SPINT2: variants seen among roughly 807,000 people sequenced by gnomAD.
The protein encoded by SPINT2 is kunitz-type protease inhibitor 2.
A neutral mutation model predicts 30.1 loss-of-function variants in SPINT2; 18 were observed. The observed-to-expected ratio is 0.60, with a 90% CI of 0.41 to 0.89. The LOEUF (loss-of-function observed/expected upper bound fraction) is 0.89, where lower values mean the gene tolerates loss of function less well. Among genes scored for constraint, SPINT2 ranks in the 40% least tolerant of loss-of-function variants. The pLI, the probability that SPINT2 is intolerant of heterozygous loss-of-function variation, is 0.00. For synonymous variants in SPINT2, 139 were observed against 137.9 expected (o/e 1.01, Z -0.05); for missense variants, 276 against 334.3 (o/e 0.83, Z 1.36).
In SPINT2 at chr19:38,290,194, A is replaced by C; in HGVS notation, c.467A>C (p.Asn156Thr). 1 of 1,612,512 alleles carries C rather than the reference A, an allele frequency of 6.2e-7. No individual in the cohort carries two copies. Among genetic ancestry groups the C allele is most frequent in the East Asian group, 2.2e-5 (1 of 44,868 alleles). ...FPRWYFDVERNSCNNFIYGGC... is the reference protein window; with the variant it reads ...FPRWYFDVERTSCNNFIYGGC... The stretch of plus-strand genomic sequence containing the variant: ...CGCTGGTACTTTGACGTGGAGAGGA[A>C]CTCCTGCAATAACTTCATCTATGGA... The change falls in exon 5 of 7, where the codon AAC becomes ACC. Residue 156 changes from asparagine (N) to threonine (T), a missense_variant. Coordinates refer to ENST00000301244, the MANE Select transcript of SPINT2 (RefSeq NM_021102.4). This position sits in a 1 kb window ranked among gnomAD's most constrained non-coding sequence, Gnocchi z 4.3.
intron 1 of SPINT2, among the ~76,000 whole-genome samples, chr19:38,268,352 G>A (rs868469568): frequency 6.6e-6 from 1 of 152,226 alleles, no homozygotes; most frequent in Middle Eastern, 3.4e-3. Context: ...CGTCTGGAGT[G>A]GAAAGCACGC....
chr19:38,286,743 A>G (rs1429180234), intron 2 of SPINT2, among the ~76,000 whole-genome samples: 2 of 152,204 alleles, frequency 1.3e-5, no homozygotes, highest in Non-Finnish European at 1.5e-5. Flanking sequence ...AGATCGCGCC[A>G]GAGCACTCCA....
chr19:38,273,680 T>C (rs1968482448), intron 1 of SPINT2, among the ~76,000 whole-genome samples: 1 of 152,220 alleles, frequency 6.6e-6, no homozygotes, highest in Admixed American at 6.6e-5. Context: ...CCTGATCTTG[T>C]AGCCATGCAG....
Position 38,290,681 on chromosome 19 carries a change from T to G in SPINT2, c.592+106T>G. 2 of 1,405,850 alleles carry G rather than the reference T, an allele frequency of 1.4e-6. No homozygotes were observed. The highest frequency in any genetic ancestry group is 2.0e-6 in the Non-Finnish European group (2 of 1,019,398). 87.1% of individuals were successfully genotyped at this position (1,405,850 alleles called of 1,614,324 possible). A position where few individuals can be genotyped will look rare whatever the true frequency, so the allele number is the denominator to read the frequency against. On this transcript the variant is annotated intron_variant, in intron 6 of 6. Transcript: ENST00000301244. This position sits in a 1 kb window ranked among gnomAD's most constrained non-coding sequence, Gnocchi z 4.3. ...TTTACATTATCCTTCACTGTGAACA[T>G]CATCTTGGCAGAAAGTCATGTTTCT... is the stretch of plus-strand genomic sequence containing the variant.
chr19:38,292,016 C>T lies in SPINT2; in HGVS notation c.*10C>T, dbSNP rs775735825. The T allele has an allele frequency of 1.1e-5, 17 of 1,613,626 alleles. No homozygotes were observed. The highest frequency in any genetic ancestry group is 8.3e-5 in the Admixed American group (5 of 59,962). On this transcript the variant is annotated 3_prime_UTR_variant, in exon 7 of 7. Transcript: ENST00000301244. ...CACATATGTCCTGTGACCGCCCTGT[C>T]GCCAAGAGGACTGGGGAAGGGAGGG...
In SPINT2 at chr19:38,291,916, G is replaced by A. The variant is rs370690303; in HGVS notation, c.669G>A (p.Val223=). The A allele has an allele frequency of 7.4e-6, 12 of 1,614,002 alleles. No homozygotes were observed. Among genetic ancestry groups the A allele is most frequent in the Non-Finnish European group, 9.3e-6 (11 of 1,180,026 alleles). Reference sequence around the variant, plus strand: ...CCTCCATGGTCTACCTGATCCGGGTGGCACGGAGGAACCAGGAGCGTGCCC... The same window carrying A: ...CCTCCATGGTCTACCTGATCCGGGTAGCACGGAGGAACCAGGAGCGTGCCC... The part of the protein sequence containing the change: ...LGASMVYLIR[V]ARRNQERALR... Residue 223 remains valine, a synonymous_variant, in exon 7 of 7, where the codon GTG becomes GTA. Coordinates refer to ENST00000301244, the MANE Select transcript of SPINT2 (RefSeq NM_021102.4).
Position 38,289,169 on chromosome 19 carries a change from C to T in SPINT2, c.369C>T (p.Ser123=). 1 of 1,613,972 alleles carries T rather than the reference C, an allele frequency of 6.2e-7. No homozygotes were observed. The highest frequency in any genetic ancestry group is 8.5e-7 in the Non-Finnish European group (1 of 1,179,962). The change falls in exon 4 of 7, where the codon TCC becomes TCT. Residue 123 remains serine (S), a synonymous_variant. Transcript: ENST00000301244. ...APRRQDSEDH[S]SDMFNYEEYC... ...GAAGGCAGGATTCTGAAGACCACTC[C>T]AGCGATATGTTCAACTATGAAGGTA...
At chr19:38,276,641 C>G (rs1968522017) in intron 1 of SPINT2, among the ~76,000 whole-genome samples, 1 of 151,130 alleles carries the variant, frequency 6.6e-6, no homozygotes. Flanking sequence ...GACTCCATCT[C>G]AAAAAAACAA....
In SPINT2 at chr19:38,290,020, C is replaced by G. The variant is rs1160544696; in HGVS notation, c.392-99C>G. On this transcript the variant is annotated intron_variant, in intron 4 of 6. Transcript: ENST00000301244. The surrounding 1 kb of genome is among the most constrained non-coding windows in gnomAD (Gnocchi z 4.3). ...CTTCTTTACCAGAGAGATGTTTCTCCGTCTGCTGGAGCCGCAAGCCTCCTC... is the reference window on the plus strand; with the variant it reads ...CTTCTTTACCAGAGAGATGTTTCTCGGTCTGCTGGAGCCGCAAGCCTCCTC... 4 of 1,296,104 alleles carry G rather than the reference C, an allele frequency of 3.1e-6. No homozygotes were observed. The highest frequency in any genetic ancestry group is 4.5e-6 in the Non-Finnish European group (4 of 898,208). 80.3% of individuals were successfully genotyped at this position (1,296,104 alleles called of 1,614,324 possible). A position where few individuals can be genotyped will look rare whatever the true frequency, so the allele number is the denominator to read the frequency against.
At position 38,292,369 on chromosome 19, in the gene SPINT2, CA is replaced by C. The variant is rs1258614191; in HGVS notation, c.*367del. ...GATTTATGGTTTTTTTAAGTATAAA[CA>C]AAAGTTTTTTATTAGCATTCTGAAA... is the stretch of plus-strand genomic sequence containing the variant. On this transcript the variant is annotated 3_prime_UTR_variant, in exon 7 of 7. Coordinates refer to ENST00000301244, the MANE Select transcript of SPINT2 (RefSeq NM_021102.4). 5.8e-6 allele frequency: 1 copy of C among 173,266 alleles called. No homozygotes were observed. The highest frequency in any genetic ancestry group is 5.8e-5 in the Admixed American group (1 of 17,272). 10.7% of individuals were successfully genotyped at this position (173,266 alleles called of 1,614,324 possible).
chr19:38,288,792 C>A (rs192859446), intron 3 of SPINT2: 13 of 308,964 alleles, frequency 4.2e-5, no homozygotes, highest in South Asian at 2.9e-4. Flanking sequence ...CTAGCCCCCC[C>A]ACACACCAGC....
chr19:38,282,618 TG>T (rs1216045758), intron 1 of SPINT2, among the ~76,000 whole-genome samples: 2 of 152,236 alleles, frequency 1.3e-5, no homozygotes, highest in African/African-American at 4.8e-5. Flanking sequence ...CATTGGCTTT[TG>T]TTTCCCTTTT....
chr19:38,270,498 A>G (rs914453221), intron 1 of SPINT2, among the ~76,000 whole-genome samples: 2 of 152,230 alleles, frequency 1.3e-5, no homozygotes, highest in Admixed American at 1.3e-4. Context: ...AGACAGTACA[A>G]TAAATGAACA....
intron 2 of SPINT2, among the ~76,000 whole-genome samples, chr19:38,285,725 CT>C (rs770747073): frequency 1.9e-4 from 29 of 152,284 alleles, no homozygotes; most frequent in South Asian, 8.3e-4. Flanking sequence ...GGCACTCCCC[CT>C]AACATGTTTT....
chr19:38,284,864 C>CA (rs1015965147), intron 2 of SPINT2, among the ~76,000 whole-genome samples: 1 of 152,052 alleles, frequency 6.6e-6, no homozygotes, highest in Non-Finnish European at 1.5e-5. Flanking sequence ...TCCAGGTGTC[C>CA]ACCACTACGC....
intron 1 of SPINT2, among the ~76,000 whole-genome samples, chr19:38,270,633 G>A (rs202196108): frequency 1.5e-4 from 23 of 152,184 alleles, no homozygotes; most frequent in Admixed American, 4.6e-4. Context: ...AGGTCACCGC[G>A]GGAGACTGGC....
intron 1 of SPINT2, among the ~76,000 whole-genome samples, chr19:38,281,448 A>G (rs965780520): frequency 6.6e-6 from 1 of 151,878 alleles, no homozygotes; most frequent in African/African-American, 2.4e-5. Flanking sequence ...GGTGGCTCAT[A>G]CCTGTAATCC....
At chr19:38,288,372 A>T in intron 3 of SPINT2, 1 of 262,712 alleles carries the variant, frequency 3.8e-6, no homozygotes, top group Non-Finnish European at 7.5e-6. Context: ...GTCCTCTGCC[A>T]CCCCCGCCTC....
intron 3 of SPINT2, 21 bp downstream of exon 3, chr19:38,287,956 G>A (rs58675991): frequency 5.0e-5 from 80 of 1,613,782 alleles, no homozygotes; most frequent in Admixed American, 8.3e-5. Context: ...AAAGAGACCC[G>A]CGATGGAGTG....
Sources: allele counts gnomAD v4.1 joint callset (sites outside exome capture counted in the v4.1 genomes callset), GRCh38; gene constraint gnomAD v4.1.1; non-coding constraint Gnocchi (gnomAD v3.1); transcripts MANE v1.5; gene names NCBI Gene and HGNC (gene_info 2026-07-23, HGNC 2026-07-21).